CSMD1: variants seen among roughly 807,000 people sequenced by gnomAD.
CSMD1 encodes the protein CUB and sushi domain-containing protein 1.
CSMD1 carries 213 observed loss-of-function variants against 417.5 expected under a neutral mutation model. The observed-to-expected ratio is 0.51, with a 90% CI of 0.46 to 0.57. The LOEUF is 0.57. Among genes scored for constraint, CSMD1 ranks in the 20% least tolerant of loss-of-function variants. The pLI is 0.00. For missense variants in CSMD1, 6,923 were observed against 4,529.7 expected, an observed-to-expected ratio of 1.53 and a Z score of -15.17; for synonymous variants, 2,862 against 1,736.8, an observed-to-expected ratio of 1.65 and a Z score of -16.11.
chr8:3,737,808 C>G (rs938417826), intron 6 of CSMD1, among the ~76,000 whole-genome samples: 5 of 152,160 alleles, frequency 3.3e-5, no homozygotes, highest in African/African-American at 1.2e-4. Context: ...ATAAAAATAG[C>G]CAAGATGGTA....
At chr8:3,182,622 G>GAAGGAC (rs1821422522) in intron 36 of CSMD1, among the ~76,000 whole-genome samples, 1 of 56,814 alleles carries the variant, frequency 1.8e-5, no homozygotes, top group Non-Finnish European at 4.8e-5. Flanking sequence ...GTGTGTGTGT[G>GAAGGAC]TGTGTGTGTG....
At chr8:3,401,905 A>G (rs1362510948) in intron 15 of CSMD1, among the ~76,000 whole-genome samples, 1 of 152,192 alleles carries the variant, frequency 6.6e-6, no homozygotes, top group Non-Finnish European at 1.5e-5. Flanking sequence ...TAACAAAAAA[A>G]GCAAATATAC....
chr8:3,331,232 C>T (rs1363850634), intron 23 of CSMD1, among the ~76,000 whole-genome samples: 2 of 100,812 alleles, frequency 2.0e-5, no homozygotes, highest in Admixed American at 1.0e-4. Context: ...AACGAGACTC[C>T]GTCTCAAAAA....
intron 11 of CSMD1, among the ~76,000 whole-genome samples, chr8:3,478,500 C>A (rs759593671): frequency 5.9e-5 from 9 of 152,144 alleles, no homozygotes; most frequent in Non-Finnish European, 1.0e-4. Flanking sequence ...TACCAGAAGA[C>A]ACTGCTAAAA....
chr8:3,860,409 G>A (rs1003289208), intron 5 of CSMD1, among the ~76,000 whole-genome samples: 1 of 152,012 alleles, frequency 6.6e-6, no homozygotes, highest in African/African-American at 2.4e-5. Flanking sequence ...TGGACTCAAT[G>A]TTTCTATGTT....
chr8:3,980,053 A>T (rs903563988), intron 5 of CSMD1, among the ~76,000 whole-genome samples: 3 of 152,366 alleles, frequency 2.0e-5, no homozygotes, highest in Non-Finnish European at 1.5e-5. Context: ...TTTAAATGAC[A>T]GACTCACACA....
chr8:3,320,428 G>A (rs561433339), intron 23 of CSMD1, among the ~76,000 whole-genome samples: 67 of 152,264 alleles, frequency 4.4e-4, no homozygotes, highest in African/African-American at 1.5e-3. Context: ...ATGAAAACAC[G>A]ATAAGCTCCT....
chr8:4,206,143 C>A (rs1449365720), intron 3 of CSMD1, among the ~76,000 whole-genome samples: 1 of 152,042 alleles, frequency 6.6e-6, no homozygotes, highest in Admixed American at 6.6e-5. Context: ...TTTACCTTTT[C>A]CCTGGCTATT....
chr8:4,818,775 G>C (rs1338736395), intron 1 of CSMD1, among the ~76,000 whole-genome samples: 1 of 152,160 alleles, frequency 6.6e-6, no homozygotes, highest in Non-Finnish European at 1.5e-5. Context: ...CACATCGCTT[G>C]GTACTTTGTA....
chr8:4,374,749 C>T lies in CSMD1; in HGVS notation c.415+45204G>A, dbSNP rs1262639962. Reference sequence around the variant, plus strand: ...ACTAAGCATGAGCAGCAGAGACGTCCAAGTGGTTCTTGTCTAATGAATGGC... The same window carrying T: ...ACTAAGCATGAGCAGCAGAGACGTCTAAGTGGTTCTTGTCTAATGAATGGC... On this transcript the variant is annotated intron_variant, in intron 3 of 69. Transcript: ENST00000635120. Among the ~76,000 whole-genome samples the T allele has an allele frequency of 3.3e-5, 5 of 152,038 alleles. No homozygotes were observed. The East Asian group carries it at 9.6e-4, about 29-fold the overall frequency.
chr8:3,150,844 G>C (rs1216949393), intron 40 of CSMD1, among the ~76,000 whole-genome samples: 2 of 151,834 alleles, frequency 1.3e-5, no homozygotes, highest in Non-Finnish European at 2.9e-5. Context: ...TTCTATAATA[G>C]TATACACAAC....
At chr8:3,475,687 C>A (rs1412917981) in intron 11 of CSMD1, among the ~76,000 whole-genome samples, 2 of 152,198 alleles carry the variant, frequency 1.3e-5, no homozygotes, top group African/African-American at 4.8e-5. Flanking sequence ...ATTGATATGT[C>A]TGGTTGCAGT....
chr8:3,645,040 C>T (rs1797510349), intron 7 of CSMD1, among the ~76,000 whole-genome samples: 1 of 150,624 alleles, frequency 6.6e-6, no homozygotes, highest in Non-Finnish European at 1.5e-5. Flanking sequence ...TCCTCTACTC[C>T]TCATCTGCCT....
At chr8:4,374,201 T>C (rs906374046) in intron 3 of CSMD1, among the ~76,000 whole-genome samples, 7 of 152,110 alleles carry the variant, frequency 4.6e-5, no homozygotes, top group Non-Finnish European at 8.8e-5. Context: ...AGGGTTAGCT[T>C]TGAGGAAGGA....
At chr8:3,276,649 C>A (rs34835783) in intron 26 of CSMD1, among the ~76,000 whole-genome samples, 41,926 of 151,802 alleles carry the variant, frequency 0.28, 5,989 homozygotes, top group African/African-American at 0.35. Flanking sequence ...ACAGCCAAAC[C>A]GTATCATTAT....
chr8:3,674,262 A>C (rs890644855), intron 7 of CSMD1, among the ~76,000 whole-genome samples: 4 of 152,200 alleles, frequency 2.6e-5, no homozygotes, highest in African/African-American at 9.7e-5. Context: ...GTTGACTGTA[A>C]CCCATGTTGC....
At position 3,342,432 on chromosome 8, in the gene CSMD1, CA is replaced by C. The variant is rs1807718457; in HGVS notation, c.3631+861del. 2.0e-5 allele frequency among the ~76,000 whole-genome samples: 3 copies of C among 152,156 alleles called. No homozygotes were observed. In the South Asian group the frequency reaches 6.2e-4, roughly 32 times the overall value. ...GGTGTTCAGTATGATATAGTTTTTACATTTATCAGATGAGTGAAGGATTTGA... is the reference window on the plus strand; with the variant it reads ...GGTGTTCAGTATGATATAGTTTTTACTTTATCAGATGAGTGAAGGATTTGA... On this transcript the variant is annotated intron_variant, in intron 23 of 69. Transcript: ENST00000635120.
chr8:3,661,533 A>T (rs1042248843), intron 7 of CSMD1, among the ~76,000 whole-genome samples: 7 of 151,468 alleles, frequency 4.6e-5, no homozygotes, highest in African/African-American at 1.7e-4. Context: ...GTCCCACTTT[A>T]TCACCCAGGC....
At chr8:4,175,745 G>A (rs946015636) in intron 3 of CSMD1, among the ~76,000 whole-genome samples, 1 of 152,078 alleles carries the variant, frequency 6.6e-6, no homozygotes, top group Non-Finnish European at 1.5e-5. Context: ...AAAAATAATG[G>A]TGAAATATTA....
Sources: gnomAD v4.1 joint callset for allele counts (sites outside exome capture counted in the v4.1 genomes callset) on GRCh38, gnomAD v4.1.1 for gene constraint, MANE v1.5 for transcripts, NCBI Gene and HGNC (gene_info 2026-07-23, HGNC 2026-07-21) for gene names.